Variants in L3MBTL3 observed in about 807,000 individuals in gnomAD.
The protein encoded by L3MBTL3 is lethal(3)malignant brain tumor-like protein 3.
In L3MBTL3, 27 loss-of-function variants were observed where a neutral mutation model predicts 102.3. The observed-to-expected ratio is 0.26, with a 90% CI of 0.19 to 0.36. The LOEUF (loss-of-function observed/expected upper bound fraction) is 0.36, where lower values mean the gene tolerates loss of function less well. Ranked by LOEUF, L3MBTL3 falls within the 10% of genes least tolerant of loss-of-function variation. L3MBTL3 has a pLI of 1.00. For synonymous variants in L3MBTL3, 340 were observed against 320.9 expected (o/e 1.06, Z -0.64); for missense variants, 798 against 955.3 (o/e 0.84, Z 2.17).
At chr6:130,083,443 G>T (rs913857662) in intron 14 of L3MBTL3, among the ~76,000 whole-genome samples, 177 bp from the exon 15 acceptor site, 1 of 151,766 alleles carries the variant, frequency 6.6e-6, no homozygotes, top group Non-Finnish European at 1.5e-5. Context: ...GAAAAATAAT[G>T]ATCAAGATGA....
chr6:130,087,907 G>A (rs1783791285), intron 16 of L3MBTL3, among the ~76,000 whole-genome samples: 2 of 151,836 alleles, frequency 1.3e-5, no homozygotes, highest in Non-Finnish European at 2.9e-5. Flanking sequence ...AGTAATGACA[G>A]TGCTTCTTTC....
chr6:130,042,590 T>C, intron 2 of L3MBTL3, 95 bp from the exon 3 acceptor site: 1 of 674,620 alleles, frequency 1.5e-6, no homozygotes, highest in East Asian at 2.7e-5. Flanking sequence ...ATCAAGAAAA[T>C]TATGTAATTA....
chr6:130,034,817 G>C (rs1015444330), intron 2 of L3MBTL3, among the ~76,000 whole-genome samples: 1 of 152,196 alleles, frequency 6.6e-6, no homozygotes, highest in Non-Finnish European at 1.5e-5. Flanking sequence ...TCTGCAAAAT[G>C]ACAAATTACT....
intron 19 of L3MBTL3, among the ~76,000 whole-genome samples, chr6:130,112,884 T>C (rs1202461312): frequency 1.3e-5 from 2 of 152,200 alleles, no homozygotes. Flanking sequence ...CAGTGATCCA[T>C]TTATTCATCA....
At position 130,043,663 on chromosome 6, in the gene L3MBTL3, G is replaced by C. The variant is rs137867738; in HGVS notation, c.102+862G>C. Among the ~76,000 whole-genome samples the C allele has an allele frequency of 7.2e-3, 1,089 of 152,262 alleles. 15 individuals carry two copies. Among genetic ancestry groups the C allele is most frequent in the African/African-American group, 0.025 (1,054 of 41,554 alleles). ...CCATTGCTGGGCTTACCTCTCAAATGTTTGGTATTCTAGGCTGTCTTGAAT... is the reference window on the plus strand; with the variant it reads ...CCATTGCTGGGCTTACCTCTCAAATCTTTGGTATTCTAGGCTGTCTTGAAT... On this transcript the variant is annotated intron_variant, in intron 3 of 22. Coordinates refer to ENST00000361794, the MANE Select transcript of L3MBTL3 (RefSeq NM_032438.4).
chr6:130,044,541 C>G (rs890624604), intron 3 of L3MBTL3, among the ~76,000 whole-genome samples: 1 of 152,114 alleles, frequency 6.6e-6, no homozygotes, highest in South Asian at 2.1e-4. Context: ...TAACCTATTA[C>G]TTGTATTAAG....
At chr6:130,137,639 TTG>T in intron 22 of L3MBTL3, 1 of 152,200 alleles carries the variant, frequency 6.6e-6, no homozygotes, top group East Asian at 1.9e-4. Flanking sequence ...CAGTTACCTG[TTG>T]TGTTATACTC....
intron 15 of L3MBTL3, among the ~76,000 whole-genome samples, chr6:130,084,537 C>CA (rs1287069178): frequency 1.3e-5 from 2 of 151,972 alleles, no homozygotes; most frequent in Non-Finnish European, 2.9e-5. Flanking sequence ...GAAACTATAT[C>CA]AAAAAATGTG....
intron 19 of L3MBTL3, among the ~76,000 whole-genome samples, chr6:130,112,576 C>T (rs931695983): frequency 3.3e-5 from 5 of 152,152 alleles, no homozygotes; most frequent in Admixed American, 6.5e-5. Flanking sequence ...ATGTTTGTGT[C>T]GAACACCAAA....
intron 18 of L3MBTL3, among the ~76,000 whole-genome samples, chr6:130,104,055 C>A (rs1784846193): frequency 6.6e-6 from 1 of 152,162 alleles, no homozygotes; most frequent in Non-Finnish European, 1.5e-5. Flanking sequence ...AGCAAATCTG[C>A]TCCATTAACC....
chr6:130,120,471 C>G (rs1786073892), intron 19 of L3MBTL3, among the ~76,000 whole-genome samples: 1 of 152,188 alleles, frequency 6.6e-6, no homozygotes, highest in Admixed American at 6.6e-5. Flanking sequence ...CCATCCAAAT[C>G]CCAGTGCTGA....
Position 130,087,168 on chromosome 6 carries a change from TAATAA to T in L3MBTL3, c.1518+925_1518+929del, listed in dbSNP as rs200844589. On this transcript the variant is annotated intron_variant, in intron 16 of 22. Transcript: ENST00000361794. The stretch of plus-strand genomic sequence containing the variant: ...CAACTATCTCTAATAAGATAGTGTA[TAATAA>T]AATAAATTATAAAATAACATGAAAA... 7.5e-3 allele frequency among the ~76,000 whole-genome samples: 1,143 copies of T among 152,230 alleles called. 15 individuals are homozygous for T. The highest frequency in any genetic ancestry group is 0.026 in the African/African-American group (1,088 of 41,570).
Position 130,140,504 on chromosome 6 carries a change from T to C in L3MBTL3, c.*751T>C, listed in dbSNP as rs1212235299. On this transcript the variant is annotated 3_prime_UTR_variant, in exon 23 of 23. Coordinates refer to ENST00000361794, the MANE Select transcript of L3MBTL3 (RefSeq NM_032438.4). Reference sequence around the variant, plus strand: ...ACATAAATAAATTAGGTAGTGTATTTTGAGTGGCATCAGTCTCACTCATCT... The same window carrying C: ...ACATAAATAAATTAGGTAGTGTATTCTGAGTGGCATCAGTCTCACTCATCT... 1 of 152,468 alleles carries C rather than the reference T, an allele frequency of 6.6e-6. No individual in the cohort carries two copies. The highest frequency in any genetic ancestry group is 1.9e-4 in the East Asian group (1 of 5,202). 9.4% of individuals were successfully genotyped at this position (152,468 alleles called of 1,614,324 possible). A position where few individuals can be genotyped will look rare whatever the true frequency, so the allele number is the denominator to read the frequency against.
At chr6:130,097,729 G>A (rs745891438) in intron 18 of L3MBTL3, among the ~76,000 whole-genome samples, 6 of 152,088 alleles carry the variant, frequency 3.9e-5, no homozygotes, top group Non-Finnish European at 7.4e-5. Flanking sequence ...CCTACCGAGA[G>A]AGGGTAAGGA....
At chr6:130,040,461 A>T (rs1376682608) in intron 2 of L3MBTL3, among the ~76,000 whole-genome samples, 1 of 152,180 alleles carries the variant, frequency 6.6e-6, no homozygotes, top group Non-Finnish European at 1.5e-5. Flanking sequence ...CAGATCTCCC[A>T]AGTGTTGACA....
intron 1 of L3MBTL3, among the ~76,000 whole-genome samples, chr6:130,021,499 G>T (rs749237004): frequency 1.3e-4 from 20 of 152,208 alleles, no homozygotes; most frequent in Non-Finnish European, 2.4e-4. Flanking sequence ...CCCTGAATTG[G>T]AAACAATTGT....
intron 20 of L3MBTL3, among the ~76,000 whole-genome samples, chr6:130,131,760 G>A (rs1175105332): frequency 6.6e-6 from 1 of 152,212 alleles, no homozygotes; most frequent in African/African-American, 2.4e-5. Context: ...GTAACTTCCT[G>A]ATGTTGACAT....
intron 17 of L3MBTL3, among the ~76,000 whole-genome samples, chr6:130,093,655 A>T (rs1006386285): frequency 1.3e-5 from 2 of 152,254 alleles, no homozygotes; most frequent in African/African-American, 4.8e-5. Context: ...GTAAGACAAG[A>T]AGTTAAAAAC....
Position 130,037,871 on chromosome 6 carries a change from C to G in L3MBTL3, c.-15-4814C>G, listed in dbSNP as rs115881070. 2.2e-3 allele frequency among the ~76,000 whole-genome samples: 338 copies of G among 152,208 alleles called. 7 individuals are homozygous for G. The highest frequency in any genetic ancestry group is 7.8e-3 in the African/African-American group (323 of 41,556). ...CCCCCTGTGCTATAGAATACTAGAACTTACTTCTCTTATGTAACTGTAGTT... is the reference window on the plus strand; with the variant it reads ...CCCCCTGTGCTATAGAATACTAGAAGTTACTTCTCTTATGTAACTGTAGTT... On this transcript the variant is annotated intron_variant, in intron 2 of 22. Transcript: ENST00000361794.
Sources: gnomAD v4.1 joint callset for allele counts (sites outside exome capture counted in the v4.1 genomes callset) on GRCh38, gnomAD v4.1.1 for gene constraint, MANE v1.5 for transcripts, NCBI Gene and HGNC (gene_info 2026-07-23, HGNC 2026-07-21) for gene names.